Variants in FAM222B observed in about 807,000 individuals in gnomAD.
The protein encoded by FAM222B is protein FAM222B.
In FAM222B, 12 loss-of-function variants were observed where a neutral mutation model predicts 38.0. The observed-to-expected ratio is 0.32, with a 90% confidence interval of 0.20 to 0.51. The LOEUF is 0.51. FAM222B is among the 20% of genes least tolerant of loss of function. The pLI is 0.97. For missense variants in FAM222B, 716 were observed against 754.2 expected (o/e 0.95, Z 0.59); for synonymous variants, 329 against 317.2 (o/e 1.04, Z -0.40).
At chr17:28,847,500 A>G (rs1361022464), upstream of FAM222B, among the ~76,000 whole-genome samples, 2 of 151,584 alleles carry the variant, frequency 1.3e-5, no homozygotes, top group Admixed American at 1.3e-4. Flanking sequence ...AGGCTAAGGC[A>G]GGACTATTGC....
At chr17:28,815,214 CTTTT>C (rs71135857) in intron 1 of FAM222B, among the ~76,000 whole-genome samples, 1 of 143,682 alleles carries the variant, frequency 7.0e-6, no homozygotes. Context: ...TTTATTACAT[CTTTT>C]TTTTTTTTTT....
intron 1 of FAM222B, among the ~76,000 whole-genome samples, chr17:28,807,448 C>T (rs907394739): frequency 5.9e-5 from 9 of 152,116 alleles, no homozygotes; most frequent in African/African-American, 9.7e-5. Context: ...TGCAGTCCAA[C>T]GATCTCAGCT....
intron 1 of FAM222B, among the ~76,000 whole-genome samples, chr17:28,853,761 T>C (rs2039200972): frequency 6.6e-6 from 1 of 152,002 alleles, no homozygotes; most frequent in African/African-American, 2.4e-5. Flanking sequence ...CATGTTAGCA[T>C]GTGCCTGTAG....
chr17:28,820,539 A>G (rs887684480), intron 1 of FAM222B, among the ~76,000 whole-genome samples: 3 of 152,206 alleles, frequency 2.0e-5, no homozygotes, highest in Non-Finnish European at 4.4e-5. Context: ...TATAGACACA[A>G]TAAGTCACTC....
upstream of FAM222B, among the ~76,000 whole-genome samples, chr17:28,844,503 A>G (rs925884673): frequency 6.6e-6 from 1 of 151,904 alleles, no homozygotes; most frequent in African/African-American, 2.4e-5. Context: ...CTAAAAATAC[A>G]AAAAATTAGC....
intron 1 of FAM222B, among the ~76,000 whole-genome samples, chr17:28,842,015 T>C (rs754370256): frequency 6.6e-6 from 1 of 152,188 alleles, no homozygotes; most frequent in Admixed American, 6.6e-5. Context: ...ACATTGTTGG[T>C]GATACATTAA....
chr17:28,818,524 G>C (rs1433904103), intron 1 of FAM222B, among the ~76,000 whole-genome samples: 1 of 147,992 alleles, frequency 6.8e-6, no homozygotes. Flanking sequence ...GACAGAGCGA[G>C]AGTCCGTCTC....
At chr17:28,791,508 G>A (rs1567840151) in intron 1 of FAM222B, among the ~76,000 whole-genome samples, 1 of 151,842 alleles carries the variant, frequency 6.6e-6, no homozygotes, top group Non-Finnish European at 1.5e-5. Flanking sequence ...TCCACTGTGA[G>A]CATTCATGGA....
Position 28,778,449 on chromosome 17 carries a change from C to T in FAM222B, c.-40-11742G>A, listed in dbSNP as rs1057358181. On this transcript the variant is annotated intron_variant, in intron 1 of 2. Coordinates refer to ENST00000581407, the MANE Select transcript of FAM222B (RefSeq NM_001077498.3). Reference sequence around the variant, plus strand: ...ACTCATTCTTTTTTATGGCTGCAGGCTTCTGTGTTTTAATGTTTTAATTCC... The same window carrying T: ...ACTCATTCTTTTTTATGGCTGCAGGTTTCTGTGTTTTAATGTTTTAATTCC... Among the ~76,000 whole-genome samples the T allele has an allele frequency of 5.1e-4, 77 of 150,758 alleles. 1 individual carries two copies. The highest frequency in any genetic ancestry group is 2.8e-4 in the Non-Finnish European group (19 of 67,818).
At chr17:28,853,594 C>T (rs2039198643) in intron 1 of FAM222B, among the ~76,000 whole-genome samples, 1 of 152,064 alleles carries the variant, frequency 6.6e-6, no homozygotes. Context: ...AGTTGTTATA[C>T]TGTATTGTGT....
chr17:28,839,297 A>T (rs978598718), intron 1 of FAM222B, among the ~76,000 whole-genome samples: 1 of 152,184 alleles, frequency 6.6e-6, no homozygotes, highest in African/African-American at 2.4e-5. Flanking sequence ...TTAAATCTCC[A>T]AAGTTCCTCT....
intron 2 of FAM222B, among the ~76,000 whole-genome samples, chr17:28,762,626 CAAAAAAAAAAA>C (rs10618524): frequency 2.1e-5 from 1 of 48,154 alleles, no homozygotes; most frequent in Non-Finnish European, 3.8e-5. Context: ...GACTCCATCT[CAAAAAAAAAAA>C]AAAAAAAAAA....
chr17:28,828,389 C>T (rs1265312559), intron 1 of FAM222B, among the ~76,000 whole-genome samples: 1 of 150,944 alleles, frequency 6.6e-6, no homozygotes, highest in Non-Finnish European at 1.5e-5. Flanking sequence ...ATGGCAAAAC[C>T]CCATCTCTAA....
At chr17:28,790,884 CTTTTTTTTTTTTTTTTT>C (rs60664262) in intron 1 of FAM222B, among the ~76,000 whole-genome samples, 8 of 86,092 alleles carry the variant, frequency 9.3e-5, no homozygotes, top group East Asian at 3.5e-4. Context: ...AATTGTTTCA[CTTTTTTTTTTTTTTTTT>C]TTTTTTTTTT....
intron 1 of FAM222B, among the ~76,000 whole-genome samples, chr17:28,838,575 C>A (rs2038929677): frequency 6.7e-6 from 1 of 150,264 alleles, no homozygotes; most frequent in African/African-American, 2.4e-5. Flanking sequence ...GACTCCATCT[C>A]AAAATAAATA....
At chr17:28,794,241 CAG>C (rs747099132) in intron 1 of FAM222B, among the ~76,000 whole-genome samples, 1 of 148,378 alleles carries the variant, frequency 6.7e-6, no homozygotes, top group African/African-American at 2.5e-5. Context: ...TTTTTGGAGA[CAG>C]AGTCTTGCTC....
chr17:28,761,091 G>T (rs1365258904), intron 2 of FAM222B, among the ~76,000 whole-genome samples: 1 of 152,194 alleles, frequency 6.6e-6, no homozygotes, highest in Non-Finnish European at 1.5e-5. Context: ...AAAGAAAGAG[G>T]AAAAACCTGC....
rs2037466159 is a variant in FAM222B at position 28,805,755 on chromosome 17, GA to G, written c.-41+36926del. On this transcript the variant is annotated intron_variant, in intron 1 of 2. Coordinates refer to ENST00000581407, the MANE Select transcript of FAM222B (RefSeq NM_001077498.3). ...TGGCTATCTTGCCTACTGCTTAGTT[GA>G]ATGACCAAAGAAAAAAACAAATTTT... Among the ~76,000 whole-genome samples the G allele has an allele frequency of 2.6e-5, 4 of 152,120 alleles. 1 individual carries two copies. In the South Asian group the frequency reaches 8.3e-4, roughly 31 times the overall value.
rs991573160 is a variant in FAM222B, at chr17:28,850,947, C to T, written c.-41+4003G>A. On this transcript the variant is annotated intron_variant, in intron 1 of 2. Transcript: ENST00000577513. ...AAGCCTGGCCAATATGGTGAAACCC[C>T]GTCTGTACTAAAACTACAAAAATTA... Among the ~76,000 whole-genome samples the T allele has an allele frequency of 3.3e-5, 5 of 151,622 alleles. No individual in the cohort carries two copies. The East Asian group carries it at 7.8e-4, about 24-fold the overall frequency.
Sources: allele counts gnomAD v4.1 joint callset (sites outside exome capture counted in the v4.1 genomes callset), GRCh38; gene constraint gnomAD v4.1.1; transcripts MANE v1.5; gene names NCBI Gene and HGNC (gene_info 2026-07-23, HGNC 2026-07-21).